The following AKAP13 variants were observed in gnomAD, a reference collection of about 807,000 sequenced individuals.
AKAP13 encodes the protein A-kinase anchor protein 13.
Under a neutral mutation model 264.5 loss-of-function variants are expected in AKAP13, and 80 were observed. The observed-to-expected ratio is 0.30, with a 90% CI of 0.25 to 0.36. The LOEUF (loss-of-function observed/expected upper bound fraction) is 0.36, where lower values mean the gene tolerates loss of function less well. Ranked by LOEUF, AKAP13 falls within the 10% of genes least tolerant of loss-of-function variation. AKAP13 has a pLI of 1.00. For missense variants in AKAP13, 3,712 were observed against 3,435.2 expected, an observed-to-expected ratio of 1.08 and a Z score of -2.01; for synonymous variants, 1,380 against 1,250.2, an observed-to-expected ratio of 1.10 and a Z score of -2.19.
At chr15:85,450,491 TTGGTGCTA>T (rs2074049492) in intron 1 of AKAP13, among the ~76,000 whole-genome samples, 1 of 152,160 alleles carries the variant, frequency 6.6e-6, no homozygotes, top group East Asian at 1.9e-4. Flanking sequence ...GTGTGGGCAT[TTGGTGCTA>T]TGAATTTTCC....
intron 2 of AKAP13, among the ~76,000 whole-genome samples, chr15:85,498,962 G>A (rs1047634024): frequency 1.3e-5 from 2 of 152,190 alleles, no homozygotes; most frequent in African/African-American, 2.4e-5. Context: ...AATGAACAAA[G>A]AGGATAGTTT....
At chr15:85,674,613 GC>G (rs2084115240) in intron 14 of AKAP13, among the ~76,000 whole-genome samples, 1 of 152,122 alleles carries the variant, frequency 6.6e-6, no homozygotes, top group African/African-American at 2.4e-5. Flanking sequence ...TAGTTGTATG[GC>G]ATGCATTAGA....
Position 85,635,877 on chromosome 15 carries a change from C to T in AKAP13, c.4162-3497C>T, listed in dbSNP as rs147874128. On this transcript the variant is annotated intron_variant, in intron 8 of 36. Coordinates refer to ENST00000394518, the MANE Select transcript of AKAP13 (RefSeq NM_007200.5). ...GGCATCTTTGTCAGGAATCAATGGG[C>T]CATATCTGTGAAGGTCTGTTTGTGG... Among the ~76,000 whole-genome samples the T allele has an allele frequency of 4.6e-3, 706 of 152,194 alleles. 9 individuals are homozygous for T. Among genetic ancestry groups the T allele is most frequent in the African/African-American group, 0.016 (681 of 41,516 alleles).
rs761212018 is a variant in AKAP13, at chr15:85,743,519, A to G, written c.8086A>G (p.Arg2696Gly). 6.2e-6 allele frequency: 10 copies of G among 1,614,126 alleles called. No individual in the cohort carries two copies. In the East Asian group the frequency reaches 2.0e-4, roughly 32 times the overall value. The change falls in exon 36 of 37, where the codon AGG becomes GGG. Residue 2696 changes from arginine to glycine, a missense_variant. Around this residue, in one of 3 missense-constraint regions of AKAP13, gnomAD observed 611 missense variants for 539.3 expected, o/e 1.13. Coordinates refer to ENST00000394518, the MANE Select transcript of AKAP13 (RefSeq NM_007200.5). ...QVSHPHTKLM[R>G]IPSFFPSPEE... is the part of the protein sequence containing the mutation. ...TTCCCATCCACATACCAAGCTGATG[A>G]GGATCCCATCGTTCTTCCCCAGTCC...
intron 17 of AKAP13, among the ~76,000 whole-genome samples, chr15:85,701,754 TTAAA>T: frequency 6.6e-6 from 1 of 151,950 alleles, no homozygotes; most frequent in Non-Finnish European, 1.5e-5. Context: ...TATTTGAGGT[TTAAA>T]CTGAAAAGTA....
chr15:85,728,467 A>G (rs1383835831), intron 29 of AKAP13, among the ~76,000 whole-genome samples: 1 of 152,236 alleles, frequency 6.6e-6, no homozygotes, highest in East Asian at 1.9e-4. Context: ...GTACCTGGCT[A>G]GGCATACTGC....
intron 5 of AKAP13, among the ~76,000 whole-genome samples, chr15:85,563,620 A>G (rs2078495953): frequency 6.6e-6 from 1 of 152,192 alleles, no homozygotes; most frequent in Admixed American, 6.5e-5. Context: ...CTGTTCCTAC[A>G]AAAGCCAGCC....
chr15:85,695,461 G>T (rs1180426224), intron 17 of AKAP13, among the ~76,000 whole-genome samples: 1 of 152,176 alleles, frequency 6.6e-6, no homozygotes. Flanking sequence ...CTTCTGTGAT[G>T]ATTTTCACTC....
chr15:85,615,507 A>G (rs888546931), intron 8 of AKAP13, among the ~76,000 whole-genome samples: 6 of 152,206 alleles, frequency 3.9e-5, no homozygotes, highest in African/African-American at 9.6e-5. Context: ...GAAGCAGTCT[A>G]TTATCTAAGC....
At chr15:85,386,301 A>G (rs1213922956) in intron 1 of AKAP13, among the ~76,000 whole-genome samples, 1 of 150,840 alleles carries the variant, frequency 6.6e-6, no homozygotes, top group Non-Finnish European at 1.5e-5. Flanking sequence ...CCTACAAGTT[A>G]TTATTTTTTT....
intron 8 of AKAP13, among the ~76,000 whole-genome samples, chr15:85,604,532 C>G (rs1267942499): frequency 6.6e-6 from 1 of 151,398 alleles, no homozygotes; most frequent in Admixed American, 6.6e-5. Context: ...GCTGCAATCT[C>G]GGCTCATTGC....
At chr15:85,543,157 G>C (rs954007527) in intron 4 of AKAP13, among the ~76,000 whole-genome samples, 1 of 152,192 alleles carries the variant, frequency 6.6e-6, no homozygotes, top group Non-Finnish European at 1.5e-5. Context: ...TGTGCCAGGA[G>C]ATGCATTTCT....
intron 5 of AKAP13, among the ~76,000 whole-genome samples, chr15:85,546,866 C>G (rs1268473496): frequency 1.3e-5 from 2 of 151,990 alleles, no homozygotes; most frequent in Non-Finnish European, 2.9e-5. Context: ...GCCTCAGCCT[C>G]CTGAGTAGCT....
Position 85,638,130 on chromosome 15 carries a change from C to T in AKAP13, c.4162-1244C>T, listed in dbSNP as rs983441677. On this transcript the variant is annotated intron_variant, in intron 8 of 36. Transcript: ENST00000394518. ...CCATCTCCTGACCTTGTGATCCGCC[C>T]GCCTCAGCCTCCTAAAGTGCTGGGA... is the stretch of plus-strand genomic sequence containing the variant. 3.3e-5 allele frequency among the ~76,000 whole-genome samples: 5 copies of T among 152,070 alleles called. No individual in the cohort carries two copies. In the South Asian group the frequency reaches 6.2e-4, roughly 19 times the overall value.
Position 85,654,774 on chromosome 15 carries a change from T to C in AKAP13, c.4375-643T>C, listed in dbSNP as rs2083021714. Among the ~76,000 whole-genome samples, 3 of 151,916 alleles carry C rather than the reference T, an allele frequency of 2.0e-5. 1 individual carries two copies. In the South Asian group the frequency reaches 6.3e-4, roughly 32 times the overall value. ...AGGAGGTCAAGGCTGCAGTGAGCCATAATTTCACCACTGCACCCCAGCCTG... is the reference window on the plus strand; with the variant it reads ...AGGAGGTCAAGGCTGCAGTGAGCCACAATTTCACCACTGCACCCCAGCCTG... On this transcript the variant is annotated intron_variant, in intron 10 of 36. Coordinates refer to ENST00000394518, the MANE Select transcript of AKAP13 (RefSeq NM_007200.5).
At chr15:85,403,068 G>T (rs1350220233) in intron 1 of AKAP13, among the ~76,000 whole-genome samples, 1 of 151,998 alleles carries the variant, frequency 6.6e-6, no homozygotes, top group Non-Finnish European at 1.5e-5. Context: ...TGATTATATT[G>T]TATATACCAT....
rs796311002 is a variant in AKAP13 at position 85,465,081 on chromosome 15, C to T, written c.-11-20629C>T. 5.3e-5 allele frequency among the ~76,000 whole-genome samples: 8 copies of T among 151,818 alleles called. 1 individual carries two copies. The South Asian group carries it at 1.0e-3, about 20-fold the overall frequency. ...TCAGCCTCCTGAGTAGCTGGGACTA[C>T]AGGCGCCCACCACCACGCCTGGCTA... is the stretch of plus-strand genomic sequence containing the variant. On this transcript the variant is annotated intron_variant, in intron 1 of 36. Transcript: ENST00000394518.
intron 14 of AKAP13, among the ~76,000 whole-genome samples, chr15:85,681,516 C>T (rs1483868056): frequency 6.6e-6 from 1 of 151,980 alleles, no homozygotes; most frequent in African/African-American, 2.4e-5. Flanking sequence ...GGAAGAAGTA[C>T]GCATCTGCCT....
rs1450087080 is a variant in AKAP13 at position 85,747,453 on chromosome 15, C to T, written c.*2776C>T. 6.6e-6 allele frequency: 1 copy of T among 152,564 alleles called. No homozygotes were observed. Among genetic ancestry groups the T allele is most frequent in the Admixed American group, 6.5e-5 (1 of 15,282 alleles). 9.5% of individuals were successfully genotyped at this position (152,564 alleles called of 1,614,324 possible). On this transcript the variant is annotated 3_prime_UTR_variant, in exon 37 of 37. Transcript: ENST00000394518. ...TTTCCACGCCGGGACACCATGTTCT[C>T]CATCAAGCTAAAGAAATCACGTGCC...
Sources: gnomAD v4.1 joint callset for allele counts (sites outside exome capture counted in the v4.1 genomes callset) on GRCh38, gnomAD v4.1.1 for gene constraint, gnomAD v4.1.1 regional missense constraint, MANE v1.5 for transcripts, NCBI Gene and HGNC (gene_info 2026-07-23, HGNC 2026-07-21) for gene names.